Variants in PCDHA5 observed in about 807,000 individuals in gnomAD.
PCDHA5 encodes the protein protocadherin alpha-5.
In PCDHA5, 43 loss-of-function variants were observed where a neutral mutation model predicts 61.6. The observed-to-expected ratio is 0.70, with a 90% CI of 0.55 to 0.90. The LOEUF is 0.90. PCDHA5 is among the 40% of genes least tolerant of loss of function. The pLI, the probability that PCDHA5 is intolerant of heterozygous loss-of-function variation, is 0.00. For synonymous variants in PCDHA5, 627 were observed against 543.9 expected (o/e 1.15, Z -2.13); for missense variants, 1,298 against 1,222.7 (o/e 1.06, Z -0.92).
At chr5:140,853,674 G>A (rs1554146796) in intron 1 of PCDHA5, 1 of 988,402 alleles carries the variant, frequency 1.0e-6, no homozygotes, top group East Asian at 1.1e-4. Flanking sequence ...GGGGCCTATG[G>A]TCAACCTATC....
rs2150126315 is a variant in PCDHA5 at position 140,823,490 on chromosome 5, C to T, written c.1715C>T (p.Thr572Ile). Reference sequence around the variant, plus strand: ...CTGCTGGTGCCTCGAGTGGGTGGCACCGGCGGCGCAGTGAGCGAGCTGGTG... The same window carrying T: ...CTGCTGGTGCCTCGAGTGGGTGGCATCGGCGGCGCAGTGAGCGAGCTGGTG... ...PALLVPRVGG[T>I]GGAVSELVPR... Residue 572 changes from threonine to isoleucine, a missense_variant, in exon 1 of 4, where the codon ACC (threonine) becomes ATC (isoleucine). Physicochemically the swap from Thr to Ile is moderately conservative, Grantham distance 89 (BLOSUM62 -1). Coordinates refer to ENST00000529859, the MANE Select transcript of PCDHA5 (RefSeq NM_018908.3). 3.7e-6 allele frequency: 6 copies of T among 1,613,236 alleles called. No homozygotes were observed. The highest frequency in any genetic ancestry group is 1.7e-5 in the Admixed American group (1 of 59,988).
At chr5:140,840,691 CG>C (rs1465189614) in intron 1 of PCDHA5, among the ~76,000 whole-genome samples, 3 of 151,924 alleles carry the variant, frequency 2.0e-5, no homozygotes, top group Admixed American at 6.6e-5. Context: ...GTAAATAAAA[CG>C]GTTCAGGCAA....
intron 1 of PCDHA5, chr5:140,882,971 G>A (rs1562782227): frequency 3.1e-6 from 5 of 1,614,206 alleles, no homozygotes; most frequent in Admixed American, 1.7e-5. Flanking sequence ...GATTCTGGAC[G>A]TGAATGACAA....
At position 140,841,567 on chromosome 5, in the gene PCDHA5, C is replaced by T. The variant is rs2150318381; in HGVS notation, c.2352+17440C>T. On this transcript the variant is annotated intron_variant, in intron 1 of 3. Transcript: ENST00000529859. ...TTCTGGAGGTAAGTCTGCAGAATGG[C>T]ATTTTGTTTGTGAATTCTCGGATCG... The T allele has an allele frequency of 5.6e-6, 9 of 1,613,816 alleles. No homozygotes were observed. The East Asian group carries it at 6.7e-5, about 12-fold the overall frequency.
At chr5:140,973,342 A>ATAGTAATT (rs1437052159) in intron 1 of PCDHA5, among the ~76,000 whole-genome samples, 4 of 152,344 alleles carry the variant, frequency 2.6e-5, no homozygotes, top group Admixed American at 2.6e-4. Context: ...GTAAAGTGAC[A>ATAGTAATT]TAGTAGTGAA....
chr5:140,913,518 A>G (rs1375122197), intron 1 of PCDHA5, among the ~76,000 whole-genome samples: 2 of 151,902 alleles, frequency 1.3e-5, no homozygotes, highest in Non-Finnish European at 2.9e-5. Context: ...AATTTTATTT[A>G]TCTTTTCAAA....
At chr5:140,887,539 C>T in intron 1 of PCDHA5, among the ~76,000 whole-genome samples, 1 of 152,082 alleles carries the variant, frequency 6.6e-6, no homozygotes, top group East Asian at 1.9e-4. Flanking sequence ...CCTCTCCCCA[C>T]CCCTCATGGT....
In PCDHA5 at chr5:140,841,984, G is replaced by T. The variant is rs2150326870; in HGVS notation, c.2352+17857G>T. On this transcript the variant is annotated intron_variant, in intron 1 of 3. Coordinates refer to ENST00000529859, the MANE Select transcript of PCDHA5 (RefSeq NM_018908.3). ...CAGCCACAGATGGGGGCAAACCTGA[G>T]CTCACAGGCACTGTTCAGCTGCTGG... 5 of 1,613,848 alleles carry T rather than the reference G, an allele frequency of 3.1e-6. No homozygotes were observed. In the East Asian group the frequency reaches 1.1e-4, roughly 36 times the overall value.
intron 1 of PCDHA5, chr5:140,856,917 G>C (rs782649806): frequency 6.3e-7 from 1 of 1,595,592 alleles, no homozygotes; most frequent in Non-Finnish European, 8.6e-7. Context: ...ACGATAAGAA[G>C]GAAATTTTGG....
chr5:140,830,086 T>G, intron 1 of PCDHA5: 1 of 1,613,548 alleles, frequency 6.2e-7, no homozygotes, highest in African/African-American at 1.3e-5. Context: ...CGGCCACGGT[T>G]CTGGTGTCGC....
chr5:140,981,698 A>C (rs1414640370), intron 2 of PCDHA5, among the ~76,000 whole-genome samples: 1 of 151,174 alleles, frequency 6.6e-6, no homozygotes, highest in Non-Finnish European at 1.5e-5. Context: ...TCATTCATTC[A>C]TTCATTCATT....
intron 1 of PCDHA5, chr5:140,857,362 C>A: frequency 1.3e-6 from 2 of 1,598,452 alleles, no homozygotes. Flanking sequence ...GGGCCACGGC[C>A]AGCGTGTCTG....
chr5:140,881,959 C>G (rs1012115110), intron 1 of PCDHA5: 146 of 352,464 alleles, frequency 4.1e-4, no homozygotes, highest in Non-Finnish European at 1.3e-4. Context: ...AACATTTAAT[C>G]TTCAATTACA....
intron 1 of PCDHA5, chr5:140,865,130 T>G (rs1221612986): frequency 3.3e-5 from 5 of 152,216 alleles, no homozygotes; most frequent in African/African-American, 1.2e-4. Flanking sequence ...TAATTATACC[T>G]TAGAATTTAA....
chr5:140,839,279 C>T (rs1208423796), intron 1 of PCDHA5, among the ~76,000 whole-genome samples: 7 of 151,924 alleles, frequency 4.6e-5, no homozygotes, highest in Non-Finnish European at 1.0e-4. Context: ...TAAAACCTTC[C>T]TAGCATATTA....
intron 1 of PCDHA5, chr5:140,864,826 T>C (rs1297675845): frequency 6.6e-6 from 1 of 152,188 alleles, no homozygotes; most frequent in African/African-American, 2.4e-5. Flanking sequence ...ATTTGGGCTT[T>C]AAGTATAAGA....
intron 1 of PCDHA5, chr5:140,926,518 C>T (rs1584446348): frequency 4.9e-6 from 1 of 202,636 alleles, no homozygotes; most frequent in Non-Finnish European, 9.8e-6. Context: ...CAGGCTCCGC[C>T]CTGCGCCCGC....
At position 140,852,929 on chromosome 5, in the gene PCDHA5, A is replaced by G. The variant is rs2150525659; in HGVS notation, c.2352+28802A>G. 9 of 654,866 alleles carry G rather than the reference A, an allele frequency of 1.4e-5. No individual in the cohort carries two copies. The Admixed American group carries it at 3.9e-4, about 29-fold the overall frequency. The allele number at this position is 654,866 out of a possible 1,614,324, so 40.6% of individuals were successfully genotyped here. A position where few individuals can be genotyped will look rare whatever the true frequency, so the allele number is the denominator to read the frequency against. Reference sequence around the variant, plus strand: ...AGTCTCGCTCTGTTGCCCAGGCTGGAGTGCAGTGGTGCCATCTTGGCTCAC... The same window carrying G: ...AGTCTCGCTCTGTTGCCCAGGCTGGGGTGCAGTGGTGCCATCTTGGCTCAC... On this transcript the variant is annotated intron_variant, in intron 1 of 3. Transcript: ENST00000529859.
intron 1 of PCDHA5, among the ~76,000 whole-genome samples, chr5:140,920,933 C>G (rs1293177470): frequency 6.6e-6 from 1 of 151,360 alleles, no homozygotes; most frequent in Non-Finnish European, 1.5e-5. Flanking sequence ...GGTGATCTAG[C>G]CCTTTCATTC....
Sources: allele counts gnomAD v4.1 joint callset (sites outside exome capture counted in the v4.1 genomes callset), GRCh38; gene constraint gnomAD v4.1.1; transcripts MANE v1.5; gene names NCBI Gene and HGNC (gene_info 2026-07-23, HGNC 2026-07-21).